Variants in FHIT observed in about 807,000 individuals in gnomAD.
The protein encoded by FHIT is fragile histidine triad diadenosine triphosphatase.
A neutral mutation model predicts 17.9 loss-of-function variants in FHIT; 19 were observed. The observed-to-expected ratio is 1.06, with a 90% CI of 0.74 to 1.56. The LOEUF is 1.56. Ranked by LOEUF, FHIT falls within the 40% of genes most tolerant of loss-of-function variation. The probability of loss-of-function intolerance (pLI) is 0.00; values close to 1 mark genes in which losing one functional copy is unlikely to be tolerated. For synonymous variants in FHIT, 81 were observed against 69.7 expected (o/e 1.16, Z -0.81); for missense variants, 248 against 189.2 (o/e 1.31, Z -1.82).
At chr3:60,390,763 A>C (rs1368398515) in intron 5 of FHIT, among the ~76,000 whole-genome samples, 2 of 152,170 alleles carry the variant, frequency 1.3e-5, no homozygotes, top group Non-Finnish European at 2.9e-5. Flanking sequence ...TTAAAAATAA[A>C]AAAATACACT....
chr3:59,956,352 A>G (rs570011925), intron 7 of FHIT, among the ~76,000 whole-genome samples: 1 of 152,278 alleles, frequency 6.6e-6, no homozygotes, highest in East Asian at 1.9e-4. Flanking sequence ...TGGGCAACGA[A>G]GCAAGACCTA....
intron 5 of FHIT, among the ~76,000 whole-genome samples, chr3:60,286,561 T>C (rs9879843): frequency 1.3e-3 from 199 of 152,304 alleles, no homozygotes; most frequent in African/African-American, 4.4e-3. Context: ...CTCACAGTGA[T>C]ATTTACAAGT....
intron 4 of FHIT, among the ~76,000 whole-genome samples, chr3:60,608,370 C>T (rs1485983299): frequency 6.6e-6 from 1 of 152,126 alleles, no homozygotes; most frequent in Non-Finnish European, 1.5e-5. Flanking sequence ...CTGTTCTCCC[C>T]TTCCACTGCT....
chr3:60,489,525 G>C (rs371271678), intron 5 of FHIT, among the ~76,000 whole-genome samples: 3 of 152,126 alleles, frequency 2.0e-5, no homozygotes, highest in African/African-American at 7.2e-5. Context: ...GGAGCCTATA[G>C]CATTGACCCT....
chr3:59,942,405 C>T (rs934191414), intron 7 of FHIT, among the ~76,000 whole-genome samples: 1 of 152,152 alleles, frequency 6.6e-6, no homozygotes, highest in Non-Finnish European at 1.5e-5. Flanking sequence ...CATTTTCACC[C>T]TCCTCATACG....
intron 4 of FHIT, among the ~76,000 whole-genome samples, chr3:60,674,288 C>T (rs953254369): frequency 2.2e-4 from 33 of 151,874 alleles, no homozygotes; most frequent in Middle Eastern, 3.2e-3. Flanking sequence ...TGAGATTTCC[C>T]GCCTCTTCAT....
intron 5 of FHIT, among the ~76,000 whole-genome samples, chr3:60,372,182 C>T (rs779643875): frequency 1.3e-5 from 2 of 152,118 alleles, no homozygotes; most frequent in Non-Finnish European, 1.5e-5. Flanking sequence ...ATGTTGTTTC[C>T]TAGCCTAAAA....
chr3:60,190,936 C>A (rs896666324), intron 5 of FHIT, among the ~76,000 whole-genome samples: 1 of 151,604 alleles, frequency 6.6e-6, no homozygotes, highest in African/African-American at 2.4e-5. Context: ...GAGTGAGACT[C>A]CATCTCAAAA....
intron 4 of FHIT, among the ~76,000 whole-genome samples, chr3:60,701,097 C>T (rs1304816814): frequency 2.0e-5 from 3 of 150,204 alleles, no homozygotes; most frequent in East Asian, 3.9e-4. Context: ...GATAAACATA[C>T]ATTTCCCAAC....
At chr3:61,180,518 T>C (rs1025999666) in intron 2 of FHIT, among the ~76,000 whole-genome samples, 3 of 152,190 alleles carry the variant, frequency 2.0e-5, no homozygotes, top group Admixed American at 1.3e-4. Context: ...GAATGAGAAA[T>C]GTGAAGACCA....
chr3:60,326,654 C>A (rs1290104284), intron 5 of FHIT, among the ~76,000 whole-genome samples: 1 of 152,166 alleles, frequency 6.6e-6, no homozygotes, highest in Non-Finnish European at 1.5e-5. Flanking sequence ...CACCCTTTCC[C>A]AGAGTGAATG....
intron 3 of FHIT, chr3:60,912,637 A>G: frequency 8.0e-6 from 3 of 375,310 alleles, no homozygotes; most frequent in South Asian, 7.1e-5. Flanking sequence ...CAGGAAAGAA[A>G]AAGTTAATCA....
At chr3:59,760,947 G>T (rs569318793) in intron 8 of FHIT, among the ~76,000 whole-genome samples, 3 of 152,138 alleles carry the variant, frequency 2.0e-5, no homozygotes, top group Non-Finnish European at 4.4e-5. Flanking sequence ...CTAAAGTGCC[G>T]GGGTTATAGG....
At chr3:59,883,485 G>C (rs1703490749) in intron 8 of FHIT, among the ~76,000 whole-genome samples, 1 of 152,204 alleles carries the variant, frequency 6.6e-6, no homozygotes, top group Non-Finnish European at 1.5e-5. Flanking sequence ...AAAACCATCA[G>C]ATTTCAGGAG....
At chr3:60,402,394 CT>C (rs1701697361) in intron 5 of FHIT, among the ~76,000 whole-genome samples, 1 of 152,174 alleles carries the variant, frequency 6.6e-6, no homozygotes, top group Non-Finnish European at 1.5e-5. Context: ...ATTTTCCCAA[CT>C]TTTTGGGCCA....
rs1353851067 is a variant in FHIT, at chr3:60,475,267, GGTTAGGGGA to G, written c.103+61584_103+61592del. ...TGTACTGAAAAGGAGACAAAGCAAA[GGTTAGGGGA>G]GTTAAGTAACTCAGTAACTTAAATG... On this transcript the variant is annotated intron_variant, in intron 5 of 9. Coordinates refer to ENST00000492590, the MANE Select transcript of FHIT (RefSeq NM_002012.4). Among the ~76,000 whole-genome samples, 18 of 152,232 alleles carry G rather than the reference GGTTAGGGGA, an allele frequency of 1.2e-4. No individual in the cohort carries two copies. In the East Asian group the frequency reaches 3.5e-3, roughly 29 times the overall value.
intron 8 of FHIT, among the ~76,000 whole-genome samples, chr3:59,891,224 A>G (rs1403709756): frequency 6.6e-6 from 1 of 152,204 alleles, no homozygotes. Flanking sequence ...GGCGGGCAAA[A>G]TATCAGGAAC....
At chr3:60,195,095 G>A (rs1017786019) in intron 5 of FHIT, among the ~76,000 whole-genome samples, 3 of 152,094 alleles carry the variant, frequency 2.0e-5, no homozygotes, top group Admixed American at 2.0e-4. Context: ...GAACCCAGAA[G>A]GCGGACGTTG....
chr3:59,929,088 T>G (rs1030961468), intron 7 of FHIT, among the ~76,000 whole-genome samples: 16 of 149,934 alleles, frequency 1.1e-4, no homozygotes, highest in Admixed American at 1.1e-3. Context: ...CTGGTGCAGA[T>G]GTAAAATGGT....
Sources: allele counts gnomAD v4.1 joint callset (sites outside exome capture counted in the v4.1 genomes callset), GRCh38; gene constraint gnomAD v4.1.1; transcripts MANE v1.5; gene names NCBI Gene and HGNC (gene_info 2026-07-23, HGNC 2026-07-21).